ANK2: variants seen among roughly 807,000 people sequenced by gnomAD.
ANK2 encodes ankyrin 2.
A neutral mutation model predicts 360.5 loss-of-function variants in ANK2; 83 were observed. That is an observed-to-expected ratio of 0.23 (90% CI 0.19 to 0.28). The LOEUF is 0.28. Among genes scored for constraint, ANK2 ranks in the 10% least tolerant of loss-of-function variants. The pLI is 1.00. For missense variants in ANK2, 4,201 were observed against 4,795.7 expected (o/e 0.88, Z 3.66); for synonymous variants, 1,740 against 1,759.5 (o/e 0.99, Z 0.28).
chr4:113,266,177 A>C (rs936900286), intron 14 of ANK2, among the ~76,000 whole-genome samples: 9 of 151,640 alleles, frequency 5.9e-5, no homozygotes, highest in African/African-American at 2.2e-4. Flanking sequence ...TCATTGTTCA[A>C]CTCCCACTTA....
At chr4:113,203,436 C>CAA (rs35032155) in intron 4 of ANK2, among the ~76,000 whole-genome samples, 14 of 146,002 alleles carry the variant, frequency 9.6e-5, no homozygotes, top group African/African-American at 2.3e-4. Flanking sequence ...TCTCTGATTG[C>CAA]AAAAAAAAAA....
intron 14 of ANK2, among the ~76,000 whole-genome samples, chr4:113,271,205 A>G (rs2058362071): frequency 6.6e-6 from 1 of 152,224 alleles, no homozygotes; most frequent in African/African-American, 2.4e-5. Flanking sequence ...CTGGTTTCTA[A>G]TTAGTCACAT....
intron 2 of ANK2, among the ~76,000 whole-genome samples, chr4:112,989,217 T>C (rs748837240): frequency 5.3e-5 from 8 of 152,170 alleles, no homozygotes; most frequent in Non-Finnish European, 1.0e-4. Flanking sequence ...ATTCTTAATA[T>C]AGAATTTTAA....
the ANK2 span, among the ~76,000 whole-genome samples, chr4:112,758,341 G>T: frequency 6.6e-6 from 1 of 151,872 alleles, no homozygotes; most frequent in African/African-American, 2.4e-5. Flanking sequence ...TTCATAATAC[G>T]CTGCATAATC....
intron 22 of ANK2, among the ~76,000 whole-genome samples, chr4:113,298,381 A>G (rs922461450): frequency 2.0e-4 from 31 of 152,214 alleles, no homozygotes; most frequent in African/African-American, 7.2e-4. Context: ...CATCATAACC[A>G]AGATCACTAA....
At chr4:112,887,135 C>A (rs1006483131) in intron 1 of ANK2, among the ~76,000 whole-genome samples, 4 of 152,062 alleles carry the variant, frequency 2.6e-5, no homozygotes, top group Non-Finnish European at 4.4e-5. Flanking sequence ...TAGTCATCTG[C>A]GTACTTATTT....
chr4:113,251,029 G>A (rs1373174534), intron 10 of ANK2, among the ~76,000 whole-genome samples: 1 of 152,112 alleles, frequency 6.6e-6, no homozygotes, highest in Non-Finnish European at 1.5e-5. Flanking sequence ...TACTGTGAAT[G>A]TTGTATAGAT....
Position 113,016,332 on chromosome 4 carries a change from G to A in ANK2, c.21+111818G>A, listed in dbSNP as rs150673740. On this transcript the variant is annotated intron_variant, in intron 2 of 30. Coordinates refer to the ANK2 transcript ENST00000503271. ...CATTTGTGGACACTTTCAGTACTCC[G>A]GAGGCACAAACTCTTATAGGTTCTT... Among the ~76,000 whole-genome samples the A allele has an allele frequency of 6.2e-3, 943 of 152,206 alleles. 12 individuals are homozygous for A. Among genetic ancestry groups the A allele is most frequent in the African/African-American group, 0.02 (828 of 41,540 alleles).
rs570953918 is a variant in ANK2, at chr4:112,855,125, A to G, written c.-40+36861A>G. ...AGTATTTTTTGTTGTTTTTGTGACA[A>G]TTAAATGCTTGGAGCTAGGGCTATG... On this transcript the variant is annotated intron_variant, in intron 1 of 30. Transcript: ENST00000503271. Among the ~76,000 whole-genome samples, 5 of 152,320 alleles carry G rather than the reference A, an allele frequency of 3.3e-5. No homozygotes were observed. The East Asian group carries it at 5.8e-4, about 18-fold the overall frequency.
chr4:113,099,581 C>T (rs764703650), intron 1 of ANK2, among the ~76,000 whole-genome samples: 3 of 151,944 alleles, frequency 2.0e-5, no homozygotes, highest in Non-Finnish European at 2.9e-5. Context: ...AGACTCAATA[C>T]AATCCCAATC....
chr4:113,087,185 T>C (rs967504767), intron 1 of ANK2, among the ~76,000 whole-genome samples: 4 of 152,106 alleles, frequency 2.6e-5, no homozygotes, highest in African/African-American at 4.8e-5. Flanking sequence ...ATTTGAAGGA[T>C]GAGTACAAGG....
At chr4:113,222,428 G>T (rs971820887) in intron 4 of ANK2, among the ~76,000 whole-genome samples, 10 of 129,298 alleles carry the variant, frequency 7.7e-5, no homozygotes, top group African/African-American at 1.5e-4. Flanking sequence ...ACAGGGTCTT[G>T]CTTTCTCATT....
intron 1 of ANK2, among the ~76,000 whole-genome samples, chr4:113,073,553 A>C (rs1339552833): frequency 6.6e-6 from 1 of 152,192 alleles, no homozygotes; most frequent in African/African-American, 2.4e-5. Context: ...TACAGGCCAG[A>C]GGTAGAACAA....
chr4:112,780,094 C>T, the ANK2 span, among the ~76,000 whole-genome samples: 10 of 151,750 alleles, frequency 6.6e-5, no homozygotes, highest in African/African-American at 1.7e-4. Flanking sequence ...TGGTGGTGCA[C>T]GCTTGTAGTC....
rs191239829 is a variant in ANK2, at chr4:113,085,931, G to C, written c.84+36119G>C. Among the ~76,000 whole-genome samples the C allele has an allele frequency of 3.3e-5, 5 of 152,250 alleles. No homozygotes were observed. In the East Asian group the frequency reaches 7.7e-4, roughly 23 times the overall value. On this transcript the variant is annotated intron_variant, in intron 1 of 45. Coordinates refer to ENST00000357077, the MANE Select transcript of ANK2 (RefSeq NM_001148.6). ...CATTAAAAGCTCTGCATGTATCTAGGAGGGAAAAGGAAAAGATGAAAAAAA... is the reference window on the plus strand; with the variant it reads ...CATTAAAAGCTCTGCATGTATCTAGCAGGGAAAAGGAAAAGATGAAAAAAA...
At chr4:113,260,225 A>G (rs949668546) in intron 13 of ANK2, among the ~76,000 whole-genome samples, 3 of 152,200 alleles carry the variant, frequency 2.0e-5, no homozygotes, top group African/African-American at 4.8e-5. Context: ...TCAGGTGGTT[A>G]TGGAGTTATA....
rs751261550 is a variant in ANK2 at position 113,323,844 on chromosome 4, C to T, written c.2900+5224C>T. On this transcript the variant is annotated intron_variant, in intron 26 of 45. Coordinates refer to ENST00000357077, the MANE Select transcript of ANK2 (RefSeq NM_001148.6). Reference sequence around the variant, plus strand: ...CTGAACATGTTGCCTATTCCTCTCCCCCTTTCGCCATCTCCTTCTGCATAT... The same window carrying T: ...CTGAACATGTTGCCTATTCCTCTCCTCCTTTCGCCATCTCCTTCTGCATAT... The T allele has an allele frequency of 3.2e-6, 5 of 1,557,646 alleles. No homozygotes were observed. The South Asian group carries it at 5.9e-5, about 18-fold the overall frequency.
At chr4:113,174,612 T>C in intron 2 of ANK2, 95 bp downstream of exon 2, 3 of 1,023,508 alleles carry the variant, frequency 2.9e-6, no homozygotes, top group Non-Finnish European at 4.4e-6. Flanking sequence ...TTAAAAATAC[T>C]AAAATATCAG....
intron 2 of ANK2, among the ~76,000 whole-genome samples, chr4:112,990,103 C>A (rs1056620290): frequency 6.6e-6 from 1 of 151,940 alleles, no homozygotes; most frequent in Admixed American, 6.6e-5. Flanking sequence ...GACCCCGTCT[C>A]TACAAAAAAA....
Sources: allele counts gnomAD v4.1 joint callset (sites outside exome capture counted in the v4.1 genomes callset), GRCh38; gene constraint gnomAD v4.1.1; transcripts MANE v1.5; gene names NCBI Gene and HGNC (gene_info 2026-07-23, HGNC 2026-07-21).